Variants in XXYLT1 observed in about 807,000 individuals in gnomAD.
The protein encoded by XXYLT1 is UDP-xylose:alpha-xyloside alpha-1,3-xylosyltransferase.
XXYLT1 carries 20 observed loss-of-function variants against 28.9 expected under a neutral mutation model. That is an observed-to-expected ratio of 0.69 (90% confidence interval 0.49 to 1.00). XXYLT1 has a LOEUF of 1.00. Ranked by LOEUF, XXYLT1 falls within the 50% of genes least tolerant of loss-of-function variation. The probability of loss-of-function intolerance (pLI) is 0.00; values close to 1 mark genes in which losing one functional copy is unlikely to be tolerated. For missense variants in XXYLT1, 542 were observed against 560.1 expected (o/e 0.97, Z 0.33); for synonymous variants, 257 against 253.8 (o/e 1.01, Z -0.12).
intron 3 of XXYLT1, among the ~76,000 whole-genome samples, chr3:195,102,257 T>G (rs922738499): frequency 2.6e-5 from 4 of 152,218 alleles, no homozygotes; most frequent in Non-Finnish European, 5.9e-5. Flanking sequence ...TATCCATCAA[T>G]TCACATTGTT....
chr3:195,161,631 T>C (rs761726878), intron 2 of XXYLT1, among the ~76,000 whole-genome samples: 2 of 144,468 alleles, frequency 1.4e-5, no homozygotes, highest in Non-Finnish European at 3.0e-5. Flanking sequence ...TATAGATATA[T>C]AGATTTTTTT....
intron 3 of XXYLT1, among the ~76,000 whole-genome samples, chr3:195,111,495 T>G (rs140495938): frequency 0.011 from 1,656 of 152,202 alleles, 23 homozygotes; most frequent in African/African-American, 0.038. Context: ...CTGAGTGGGC[T>G]GGGCCTGTGT....
At position 195,129,100 on chromosome 3, in the gene XXYLT1, C is replaced by A. The variant is rs902737346; in HGVS notation, c.785+27349G>T. ...CTGTCAGTACTTAATGCTTGTTCTA[C>A]CCTGGAAAAAATATTGTGTGGGGGG... On this transcript the variant is annotated intron_variant, in intron 3 of 3. Coordinates refer to ENST00000310380, the MANE Select transcript of XXYLT1 (RefSeq NM_152531.5). The surrounding 1 kb of genome is among the most constrained non-coding windows in gnomAD (Gnocchi z 4.4). Among the ~76,000 whole-genome samples, 1 of 152,102 alleles carries A rather than the reference C, an allele frequency of 6.6e-6. No homozygotes were observed. The highest frequency in any genetic ancestry group is 2.4e-5 in the African/African-American group (1 of 41,398).
intron 2 of XXYLT1, among the ~76,000 whole-genome samples, chr3:195,192,250 C>T (rs746150082): frequency 4.6e-5 from 7 of 151,974 alleles, no homozygotes; most frequent in Admixed American, 6.6e-5. Context: ...TGGTGAAACC[C>T]GGCCTCTATT....
At position 195,255,756 on chromosome 3, in the gene XXYLT1, G is replaced by A. The variant is rs1725454841; in HGVS notation, c.504+14799C>T. Among the ~76,000 whole-genome samples the A allele has an allele frequency of 6.6e-6, 1 of 151,918 alleles. No individual in the cohort carries two copies. Among genetic ancestry groups the A allele is most frequent in the African/African-American group, 2.4e-5 (1 of 41,360 alleles). ...CCACTGAGCAGCTGTGTGGCCCTGA[G>A]CAAGTTGCTTGGCCTCTCTGGGCCC... is the stretch of plus-strand genomic sequence containing the variant. On this transcript the variant is annotated intron_variant, in intron 1 of 3. Transcript: ENST00000310380. This position sits in a 1 kb window ranked among gnomAD's most constrained non-coding sequence, Gnocchi z 4.5.
chr3:195,253,296 G>A (rs566454519), intron 1 of XXYLT1, among the ~76,000 whole-genome samples: 2 of 152,218 alleles, frequency 1.3e-5, no homozygotes, highest in African/African-American at 2.4e-5. Context: ...TGCTGCACAT[G>A]TCACAGAAAA....
chr3:195,216,616 A>T (rs1723586728), intron 2 of XXYLT1, among the ~76,000 whole-genome samples: 2 of 149,408 alleles, frequency 1.3e-5, no homozygotes, highest in South Asian at 2.1e-4. Flanking sequence ...AACCAGGAAG[A>T]AGTTGAATCT....
chr3:195,270,596 G>A lies in XXYLT1; in HGVS notation c.463C>T (p.Leu155=), dbSNP rs1389659355. ...GCGGCGGGCGGCAGGAGCTCCCGCA[G>A]CAGGCCCTTGGCCACCTCGCGGCTG... ...EASREVAKGL[L]RELLPPAAGF... is the part of the protein sequence containing the mutation. The change falls in exon 1 of 4, where the codon CTG becomes TTG. Residue 155 remains leucine (L), a synonymous_variant. Coordinates refer to ENST00000310380, the MANE Select transcript of XXYLT1 (RefSeq NM_152531.5). 7.8e-6 allele frequency: 11 copies of A among 1,406,942 alleles called. No individual in the cohort carries two copies. Among genetic ancestry groups the A allele is most frequent in the South Asian group, 1.5e-5 (1 of 66,114 alleles). The allele number at this position is 1,406,942 out of a possible 1,614,324, so 87.2% of individuals were successfully genotyped here.
intron 1 of XXYLT1, 107 bp downstream of exon 1, chr3:195,270,448 G>T (rs1424238146): frequency 2.2e-6 from 3 of 1,341,910 alleles, no homozygotes; most frequent in Admixed American, 7.7e-5. Context: ...GCAGCTCAGG[G>T]AAGATCCTAC....
At chr3:195,099,621 A>G (rs756514610) in intron 3 of XXYLT1, among the ~76,000 whole-genome samples, 22 of 152,216 alleles carry the variant, frequency 1.4e-4, no homozygotes, top group South Asian at 4.1e-4. Flanking sequence ...ACGAGGTCAG[A>G]AGATCAAGAC....
At chr3:195,136,116 C>T (rs1719183952) in intron 3 of XXYLT1, among the ~76,000 whole-genome samples, 1 of 152,124 alleles carries the variant, frequency 6.6e-6, no homozygotes, top group South Asian at 2.1e-4. Flanking sequence ...AGGGCCGTCA[C>T]CATGCTGGGA....
intron 1 of XXYLT1, among the ~76,000 whole-genome samples, chr3:195,252,152 A>G (rs1012249330): frequency 2.0e-5 from 3 of 152,258 alleles, no homozygotes; most frequent in African/African-American, 7.2e-5. Flanking sequence ...TAACTGCTGA[A>G]AACATACAAA....
rs1344900293 is a variant in XXYLT1, at chr3:195,240,555, A to T, written c.505-13699T>A. Among the ~76,000 whole-genome samples the T allele has an allele frequency of 6.6e-6, 1 of 152,258 alleles. No individual in the cohort carries two copies. The highest frequency in any genetic ancestry group is 1.9e-4 in the East Asian group (1 of 5,206). ...AAGGCACGTGGCAAGGGCTGGCCCC[A>T]CGCACGGAAAGATGCCAGGTTTCCC... On this transcript the variant is annotated intron_variant, in intron 1 of 3. Coordinates refer to ENST00000310380, the MANE Select transcript of XXYLT1 (RefSeq NM_152531.5). This position sits in a 1 kb window ranked among gnomAD's most constrained non-coding sequence, Gnocchi z 4.7.
rs147925458 is a variant in XXYLT1 at position 195,133,650 on chromosome 3, C to A, written c.785+22799G>T. 6.6e-6 allele frequency among the ~76,000 whole-genome samples: 1 copy of A among 152,186 alleles called. No homozygotes were observed. Among genetic ancestry groups the A allele is most frequent in the African/African-American group, 2.4e-5 (1 of 41,436 alleles). ...CCAAACGCTCCCAGATGCACACTCT[C>A]GGCAACTTGTTGCCATGCAGCATTG... On this transcript the variant is annotated intron_variant, in intron 3 of 3. Transcript: ENST00000310380. This position sits in a 1 kb window ranked among gnomAD's most constrained non-coding sequence, Gnocchi z 4.4.
chr3:195,246,882 G>C (rs931839519), intron 1 of XXYLT1, among the ~76,000 whole-genome samples: 6 of 152,090 alleles, frequency 3.9e-5, no homozygotes, highest in African/African-American at 1.4e-4. Flanking sequence ...CCAGACTCCC[G>C]GCGCCACTCG....
At chr3:195,204,476 A>ACTCTCTCTCTCTCTCTCTCTCT (rs61196221) in intron 2 of XXYLT1, among the ~76,000 whole-genome samples, 19 of 125,962 alleles carry the variant, frequency 1.5e-4, no homozygotes, top group African/African-American at 5.3e-4. Flanking sequence ...TCACTCTCTC[A>ACTCTCTCTCTCTCTCTCTCTCT]CTCTCTCTCT....
At chr3:195,109,662 T>G (rs1717372030) in intron 3 of XXYLT1, among the ~76,000 whole-genome samples, 1 of 139,420 alleles carries the variant, frequency 7.2e-6, no homozygotes, top group Non-Finnish European at 1.6e-5. Context: ...TGTGTGCGTG[T>G]GTGTGGTGTG....
At chr3:195,145,565 C>A in intron 3 of XXYLT1, among the ~76,000 whole-genome samples, 1 of 140,734 alleles carries the variant, frequency 7.1e-6, no homozygotes, top group South Asian at 2.1e-4. Flanking sequence ...CACCTCACTC[C>A]ACGGTGACCG....
At chr3:195,241,687 C>G (rs538068370) in intron 1 of XXYLT1, among the ~76,000 whole-genome samples, 22 of 152,234 alleles carry the variant, frequency 1.4e-4, no homozygotes, top group African/African-American at 5.3e-4. Flanking sequence ...AACCCTCCCC[C>G]AGAACCTTCT....
Sources: allele counts gnomAD v4.1 joint callset (sites outside exome capture counted in the v4.1 genomes callset), GRCh38; gene constraint gnomAD v4.1.1; non-coding constraint Gnocchi (gnomAD v3.1); transcripts MANE v1.5; gene names NCBI Gene and HGNC (gene_info 2026-07-23, HGNC 2026-07-21).